Variants in CADM1 observed in about 807,000 individuals in gnomAD.
CADM1 encodes the protein TSLC-1.
Under a neutral mutation model 53.1 loss-of-function variants are expected in CADM1, and 15 were observed. The ratio of observed to expected loss-of-function variants is 0.28; its 90% CI spans 0.19 to 0.44. The LOEUF (loss-of-function observed/expected upper bound fraction) is 0.44, where lower values mean the gene tolerates loss of function less well. CADM1 is among the 20% of genes least tolerant of loss of function. The probability of loss-of-function intolerance (pLI) is 1.00; values close to 1 mark genes in which losing one functional copy is unlikely to be tolerated. For synonymous variants in CADM1, 281 were observed against 243.0 expected (o/e 1.16, Z -1.45); for missense variants, 434 against 611.3 (o/e 0.71, Z 3.06).
At chr11:115,371,982 C>A (rs1161215503) in intron 1 of CADM1, among the ~76,000 whole-genome samples, 4 of 152,110 alleles carry the variant, frequency 2.6e-5, no homozygotes, top group African/African-American at 9.7e-5. Flanking sequence ...CTGATATCAT[C>A]ATACCTAAAA....
chr11:115,209,254 A>G (rs1223090049), intron 8 of CADM1, among the ~76,000 whole-genome samples: 1 of 152,214 alleles, frequency 6.6e-6, no homozygotes, highest in Non-Finnish European at 1.5e-5. Context: ...TTCATCAAAC[A>G]TGTCTAAGCA....
chr11:115,444,325 G>A (rs1256811387), intron 1 of CADM1, among the ~76,000 whole-genome samples: 4 of 152,110 alleles, frequency 2.6e-5, no homozygotes, highest in Non-Finnish European at 5.9e-5. Context: ...GAAAAATGAT[G>A]GAATATGGTA....
chr11:115,231,487 G>A lies in CADM1; in HGVS notation c.428C>T (p.Pro143Leu). 6.2e-7 allele frequency: 1 copy of A among 1,613,844 alleles called. No individual in the cohort carries two copies. Among genetic ancestry groups the A allele is most frequent in the East Asian group, 2.2e-5 (1 of 44,870 alleles). ...GATATCGATCATCAGATTACGTGGT[G>A]GGACTACAAATTAAACATATGTGCT... ...ESYTTITVLV[P>L]PRNLMIDIQK... is the part of the protein sequence containing the mutation. Residue 143 changes from proline to leucine, a missense_variant, in exon 4 of 12, where the codon CCA (proline) becomes CTA (leucine). This residue lies in a region of CADM1 where 311 missense variants were observed against 435.1 expected (regional missense o/e 0.71). Transcript: ENST00000331581.
chr11:115,472,951 C>T (rs1949048090), intron 1 of CADM1, among the ~76,000 whole-genome samples: 1 of 152,082 alleles, frequency 6.6e-6, no homozygotes, highest in African/African-American at 2.4e-5. Context: ...TCTTCCAAAA[C>T]CATACTGTTC....
chr11:115,210,962 G>A (rs923261150), intron 7 of CADM1, among the ~76,000 whole-genome samples: 4 of 152,080 alleles, frequency 2.6e-5, no homozygotes, highest in African/African-American at 4.8e-5. Context: ...GGGAGGCTCC[G>A]TTCCTTTAAG....
chr11:115,440,686 T>G (rs998603759), intron 1 of CADM1, among the ~76,000 whole-genome samples: 2 of 152,228 alleles, frequency 1.3e-5, no homozygotes, highest in Non-Finnish European at 2.9e-5. Flanking sequence ...GGCCACCATT[T>G]GAATAATCAC....
chr11:115,383,316 G>A (rs970052415), intron 1 of CADM1, among the ~76,000 whole-genome samples: 7 of 152,298 alleles, frequency 4.6e-5, no homozygotes, highest in South Asian at 2.1e-4. Flanking sequence ...TATTCAATGC[G>A]AAAGGAAATA....
At chr11:115,333,044 T>C (rs570630031) in intron 1 of CADM1, among the ~76,000 whole-genome samples, 2 of 152,278 alleles carry the variant, frequency 1.3e-5, no homozygotes, top group African/African-American at 2.4e-5. Flanking sequence ...AATTGCTTAC[T>C]GGTCTTTTCT....
At position 115,318,860 on chromosome 11, in the gene CADM1, T is replaced by C. The variant is rs1020815205; in HGVS notation, c.125-78440A>G. Among the ~76,000 whole-genome samples, 92 of 152,176 alleles carry C rather than the reference T, an allele frequency of 6.0e-4. 1 individual carries two copies. The highest frequency in any genetic ancestry group is 2.2e-3 in the African/African-American group (92 of 41,442). ...ATGCAGTAAGGATCTGTAATACACA[T>C]AAGCATTTTAAGTATCTATAGGACA... On this transcript the variant is annotated intron_variant, in intron 1 of 11. Transcript: ENST00000331581.
rs116606461 is a variant in CADM1 at position 115,460,712 on chromosome 11, T to C, written c.124+43559A>G. Among the ~76,000 whole-genome samples the C allele has an allele frequency of 2.3e-3, 346 of 152,106 alleles. 1 individual carries two copies. Among genetic ancestry groups the C allele is most frequent in the African/African-American group, 7.7e-3 (319 of 41,494 alleles). On this transcript the variant is annotated intron_variant, in intron 1 of 11. Coordinates refer to ENST00000331581, the MANE Select transcript of CADM1 (RefSeq NM_001301043.2). ...TCCCTTTTCTCAGCTCTGGTGACAG[T>C]ACTGCCATGATTCTGGCCTGGGTCA...
chr11:115,413,656 T>TTTTTTTTTTTTTTTTC (rs1388008088), intron 1 of CADM1, among the ~76,000 whole-genome samples: 2 of 149,926 alleles, frequency 1.3e-5, no homozygotes, highest in East Asian at 1.9e-4. Context: ...TTTTTTTTTT[T>TTTTTTTTTTTTTTTTC]TTCTCTGAGA....
intron 1 of CADM1, among the ~76,000 whole-genome samples, chr11:115,254,602 C>T (rs1591645939): frequency 1.4e-5 from 2 of 144,158 alleles, no homozygotes; most frequent in African/African-American, 5.3e-5. Flanking sequence ...ACAGAGACAA[C>T]AAACGCATAC....
intron 1 of CADM1, among the ~76,000 whole-genome samples, chr11:115,300,981 C>T (rs1033365094): frequency 9.2e-5 from 14 of 152,084 alleles, no homozygotes; most frequent in African/African-American, 2.2e-4. Context: ...TTGCCTCCAC[C>T]GCCCCCCCAC....
chr11:115,241,788 T>C (rs180738739), intron 1 of CADM1, among the ~76,000 whole-genome samples: 1 of 152,256 alleles, frequency 6.6e-6, no homozygotes, highest in Admixed American at 6.5e-5. Context: ...GACCTCCCTA[T>C]GCAGCTGTTT....
At chr11:115,328,713 TGTGTATATATATGTATATAC>T (rs1374529854) in intron 1 of CADM1, among the ~76,000 whole-genome samples, 5 of 49,654 alleles carry the variant, frequency 1.0e-4, no homozygotes, top group African/African-American at 3.9e-4. Flanking sequence ...TATATATATA[TGTGTATATATATGTATATAC>T]ATATATATAT....
chr11:115,376,200 A>C (rs1430164307), intron 1 of CADM1, among the ~76,000 whole-genome samples: 1 of 152,170 alleles, frequency 6.6e-6, no homozygotes, highest in Non-Finnish European at 1.5e-5. Context: ...TCAAATTTGT[A>C]AATGGGGAAA....
rs1274422406 is a variant in CADM1, at chr11:115,217,977, G to T, written c.736C>A (p.His246Asn). Residue 246 changes from histidine to asparagine, a missense_variant, in exon 6 of 12, where the codon CAC becomes AAC. Transcript: ENST00000331581. The part of the protein sequence containing the change: ...YLEVQYKPQV[H>N]IQMTYPLQGL... ...TGTAGAGGATAAGTCATCTGAATGT[G>T]CACTTGAGGCTTATCTGTGTGACAA... 2 of 1,611,976 alleles carry T rather than the reference G, an allele frequency of 1.2e-6. No homozygotes were observed. The highest frequency in any genetic ancestry group is 1.7e-6 in the Non-Finnish European group (2 of 1,178,212).
chr11:115,207,970 G>A (rs1407128212), intron 8 of CADM1, among the ~76,000 whole-genome samples: 1 of 152,210 alleles, frequency 6.6e-6, no homozygotes, highest in Non-Finnish European at 1.5e-5. Context: ...TTCTTAGTAT[G>A]AAAAGCTGAT....
At chr11:115,500,913 G>C (rs1006009345) in intron 1 of CADM1, among the ~76,000 whole-genome samples, 1 of 152,228 alleles carries the variant, frequency 6.6e-6, no homozygotes, top group Non-Finnish European at 1.5e-5. Flanking sequence ...GGAAGTGAGA[G>C]AGGAAACGAA....
Sources: gnomAD v4.1 joint callset for allele counts (sites outside exome capture counted in the v4.1 genomes callset) on GRCh38, gnomAD v4.1.1 for gene constraint, gnomAD v4.1.1 regional missense constraint, MANE v1.5 for transcripts, NCBI Gene and HGNC (gene_info 2026-07-23, HGNC 2026-07-21) for gene names.